C7orf57: variants seen among roughly 807,000 people sequenced by gnomAD.
The protein encoded by C7orf57 is chromosome 7 open reading frame 57.
A neutral mutation model predicts 39.0 loss-of-function variants in C7orf57; 33 were observed. The observed-to-expected ratio is 0.85, with a 90% CI of 0.64 to 1.13. The LOEUF is 1.13. Ranked by LOEUF, C7orf57 falls within the 50% of genes most tolerant of loss-of-function variation. The pLI, the probability that C7orf57 is intolerant of heterozygous loss-of-function variation, is 0.00. For missense variants in C7orf57, 346 were observed against 362.3 expected (o/e 0.95, Z 0.37); for synonymous variants, 124 against 137.1 (o/e 0.90, Z 0.67).
chr7:48,052,894 A>G lies in C7orf57; in HGVS notation c.800A>G (p.Glu267Gly). Residue 267 changes from glutamate to glycine, a missense_variant, in exon 7 of 9, where the codon GAG becomes GGG. Transcript: ENST00000348904. The stretch of plus-strand genomic sequence containing the variant: ...GATGCAGCCAGGCTCCAGGATGCAG[A>G]GGCTTCTGAAGGTCCTGAGGACACC... ...PQDAARLQDAEASEGPEDTPE... is the reference protein window; with the variant it reads ...PQDAARLQDAGASEGPEDTPE... 6.2e-7 allele frequency: 1 copy of G among 1,613,890 alleles called. No homozygotes were observed. Among genetic ancestry groups the G allele is most frequent in the Non-Finnish European group, 8.5e-7 (1 of 1,179,794 alleles).
chr7:48,054,975 C>G (rs895013318), intron 8 of C7orf57, among the ~76,000 whole-genome samples: 9 of 152,134 alleles, frequency 5.9e-5, no homozygotes, highest in African/African-American at 2.2e-4. Flanking sequence ...CTCCCGGGTT[C>G]ACGCCATTCT....
chr7:48,039,314 A>G (rs1260761595), intron 2 of C7orf57, among the ~76,000 whole-genome samples: 1 of 152,220 alleles, frequency 6.6e-6, no homozygotes, highest in Non-Finnish European at 1.5e-5. Flanking sequence ...ACTGCCACAG[A>G]GAGTCTGTTT....
chr7:48,053,235 T>C (rs1791014211), intron 7 of C7orf57: 2 of 390,094 alleles, frequency 5.1e-6, no homozygotes, highest in Admixed American at 7.7e-5. Flanking sequence ...CAACTTTTAA[T>C]CTTCCAGATC....
chr7:48,054,940 G>T (rs918572695), intron 8 of C7orf57, among the ~76,000 whole-genome samples: 2 of 152,062 alleles, frequency 1.3e-5, no homozygotes, highest in East Asian at 3.9e-4. Flanking sequence ...GCAGTGGCGC[G>T]ATCTCCGCTC....
chr7:48,049,898 G>A lies in C7orf57; in HGVS notation c.526G>A (p.Asp176Asn). The stretch of plus-strand genomic sequence containing the variant: ...CACACAGCTGAGGCTACCGGCCATT[G>A]ACTCAAAGTATCTGAGCAAAGCAGG... Reference protein sequence around the residue: ...EKKKLRLPAIDSKYLSKAGTP... With the variant: ...EKKKLRLPAINSKYLSKAGTP... The change falls in exon 6 of 9, where the codon GAC becomes AAC. Residue 176 changes from aspartate to asparagine, a missense_variant. Coordinates refer to ENST00000348904, the MANE Select transcript of C7orf57 (RefSeq NM_001100159.3). 1 of 1,613,756 alleles carries A rather than the reference G, an allele frequency of 6.2e-7. No individual in the cohort carries two copies. The highest frequency in any genetic ancestry group is 8.5e-7 in the Non-Finnish European group (1 of 1,179,764).
intron 6 of C7orf57, among the ~76,000 whole-genome samples, chr7:48,050,575 C>T (rs535542906): frequency 5.3e-5 from 8 of 152,282 alleles, no homozygotes; most frequent in Admixed American, 2.6e-4. Context: ...GGGGAAAAAA[C>T]AATCAGATAC....
At chr7:48,054,706 G>A in intron 8 of C7orf57, 100 bp downstream of exon 8, 2 of 1,009,402 alleles carry the variant, frequency 2.0e-6, no homozygotes, top group East Asian at 2.6e-5. Context: ...CCTCTAGGCA[G>A]CCTGGAATGT....
intron 5 of C7orf57, among the ~76,000 whole-genome samples, chr7:48,048,216 A>G (rs930056086): frequency 2.6e-5 from 4 of 152,188 alleles, no homozygotes; most frequent in Admixed American, 2.0e-4. Context: ...GGTGCAGGGG[A>G]TGAGCACCGC....
chr7:48,047,047 G>A (rs753977095), intron 5 of C7orf57, among the ~76,000 whole-genome samples: 14 of 152,256 alleles, frequency 9.2e-5, no homozygotes, highest in East Asian at 1.9e-4. Flanking sequence ...ATGAAGTCCT[G>A]GTGGTGTATT....
chr7:48,037,504 T>C (rs1413712866), intron 2 of C7orf57, among the ~76,000 whole-genome samples: 1 of 152,140 alleles, frequency 6.6e-6, no homozygotes, highest in Admixed American at 6.5e-5. Context: ...TGTGAACATA[T>C]AACACACTGC....
At chr7:48,058,666 A>G (rs866615560) in intron 8 of C7orf57, among the ~76,000 whole-genome samples, 1 of 151,860 alleles carries the variant, frequency 6.6e-6, no homozygotes, top group African/African-American at 2.4e-5. Flanking sequence ...TATCTCTTCT[A>G]TCTTTTCTTC....
At chr7:48,049,790 C>G (rs1401288259) in intron 5 of C7orf57, 90 bp from the exon 6 acceptor site, 1 of 900,222 alleles carries the variant, frequency 1.1e-6, no homozygotes, top group Non-Finnish European at 1.8e-6. Flanking sequence ...AGCCTATAAG[C>G]TTTGTATCTT....
chr7:48,060,216 T>G lies in C7orf57; in HGVS notation c.842-10T>G, dbSNP rs1276111928. 1.3e-6 allele frequency: 2 copies of G among 1,518,462 alleles called. No homozygotes were observed. Among genetic ancestry groups the G allele is most frequent in the Admixed American group, 4.0e-5 (2 of 49,904 alleles). 94.1% of individuals were successfully genotyped at this position (1,518,462 alleles called of 1,614,324 possible). A position where few individuals can be genotyped will look rare whatever the true frequency, so the allele number is the denominator to read the frequency against. ...TCTTTGTCTACTCATTTATTTACTT[T>G]GTGTTGCAGGCCCAGAAGAATCTGT... On this transcript the variant is annotated splice_polypyrimidine_tract_variant and intron_variant, in intron 8 of 8. Coordinates refer to ENST00000348904, the MANE Select transcript of C7orf57 (RefSeq NM_001100159.3).
At chr7:48,048,285 G>T (rs1199236972) in intron 5 of C7orf57, among the ~76,000 whole-genome samples, 1 of 152,184 alleles carries the variant, frequency 6.6e-6, no homozygotes, top group Non-Finnish European at 1.5e-5. Context: ...TGGTATGAAG[G>T]TCACCTATGA....
intron 8 of C7orf57, among the ~76,000 whole-genome samples, chr7:48,057,579 T>C (rs928391836): frequency 6.6e-6 from 1 of 152,148 alleles, no homozygotes. Context: ...ATATTTCACT[T>C]GTCTCTTTAT....
intron 5 of C7orf57, among the ~76,000 whole-genome samples, chr7:48,047,864 A>G (rs897250301): frequency 3.1e-4 from 47 of 152,050 alleles, no homozygotes; most frequent in African/African-American, 1.0e-3. Context: ...TACCGTAGAC[A>G]CTCAGCCAAA....
At chr7:48,037,749 C>CTGTGTGTGTGTGTG (rs71006544) in intron 2 of C7orf57, among the ~76,000 whole-genome samples, 32,361 of 150,490 alleles carry the variant, frequency 0.22, 3,982 homozygotes, top group Middle Eastern at 0.38. Flanking sequence ...CTTTAACCCT[C>CTGTGTGTGTGTGTG]TGTGTGTGTG....
chr7:48,057,170 T>C (rs746118076), intron 8 of C7orf57, among the ~76,000 whole-genome samples: 1 of 152,098 alleles, frequency 6.6e-6, no homozygotes, highest in East Asian at 1.9e-4. Context: ...AAAAATGTCA[T>C]TGGAATTTTG....
intron 7 of C7orf57, 40 bp downstream of exon 7, chr7:48,052,963 G>T: frequency 6.7e-7 from 1 of 1,503,550 alleles, no homozygotes. Flanking sequence ...TGGAGGCTTG[G>T]TTAATTGTGA....
Sources: gnomAD v4.1 joint callset for allele counts (sites outside exome capture counted in the v4.1 genomes callset) on GRCh38, gnomAD v4.1.1 for gene constraint, MANE v1.5 for transcripts, NCBI Gene and HGNC (gene_info 2026-07-23, HGNC 2026-07-21) for gene names.